Variants in DLC1 observed in about 807,000 individuals in gnomAD.
The protein encoded by DLC1 is DLC1 Rho GTPase activating protein, also known as rho GTPase-activating protein 7.
In DLC1, 54 loss-of-function variants were observed where a neutral mutation model predicts 140.3. The ratio of observed to expected loss-of-function variants is 0.38; its 90% CI spans 0.31 to 0.48. The LOEUF is 0.48. Among genes scored for constraint, DLC1 ranks in the 20% least tolerant of loss-of-function variants. DLC1 has a pLI of 0.96. For synonymous variants in DLC1, 986 were observed against 728.1 expected, an observed-to-expected ratio of 1.35 and a Z score of -5.70; for missense variants, 2,536 against 1,907.0, an observed-to-expected ratio of 1.33 and a Z score of -6.14.
chr8:13,413,498 A>T lies in DLC1; in HGVS notation c.1024-11879T>A, dbSNP rs1035586558. On this transcript the variant is annotated intron_variant, in intron 2 of 17. Coordinates refer to ENST00000276297, the MANE Select transcript of DLC1 (RefSeq NM_182643.3). The stretch of plus-strand genomic sequence containing the variant: ...TATTTCTCTGTGTGTGTGTGTGCAC[A>T]CATATATATATATATACACGTATAT... Among the ~76,000 whole-genome samples, 4 of 107,998 alleles carry T rather than the reference A, an allele frequency of 3.7e-5. No homozygotes were observed. In the East Asian group the frequency reaches 1.0e-3, roughly 27 times the overall value. The allele number at this position is 107,998 out of a possible 152,430, so 70.9% of individuals were successfully genotyped here. A position where few individuals can be genotyped will look rare whatever the true frequency, so the allele number is the denominator to read the frequency against.
intron 5 of DLC1, among the ~76,000 whole-genome samples, chr8:13,297,288 A>AAAAAAAAAAAAAAAAAAAAAAAAAAAAAT (rs1317943641): frequency 7.1e-6 from 1 of 141,148 alleles, no homozygotes; most frequent in Admixed American, 7.2e-5. Context: ...ACATTAAAAA[A>AAAAAAAAAAAAAAAAAAAAAAAAAAAAAT]AAAAAAAACT....
chr8:13,600,054 G>C lies in DLC1; in HGVS notation c.-126+4483C>G, dbSNP rs187376867. 4.6e-5 allele frequency among the ~76,000 whole-genome samples: 7 copies of C among 151,962 alleles called. No individual in the cohort carries two copies. In the East Asian group the frequency reaches 1.4e-3, roughly 29 times the overall value. ...AGTTGGAGAAGTTGACATGAATGGA[G>C]GTATCTGAAGAACCCTAAACTGTGT... On this transcript the variant is annotated intron_variant, in intron 1 of 1. Transcript: ENST00000631382.
At chr8:13,123,170 G>A (rs974640461) in intron 5 of DLC1, among the ~76,000 whole-genome samples, 3 of 152,122 alleles carry the variant, frequency 2.0e-5, no homozygotes, top group African/African-American at 7.2e-5. Context: ...AGCCCGAAGT[G>A]ACCCTGTACA....
intron 4 of DLC1, among the ~76,000 whole-genome samples, chr8:13,357,473 T>G (rs1411803319): frequency 6.6e-6 from 1 of 152,218 alleles, no homozygotes; most frequent in Non-Finnish European, 1.5e-5. Flanking sequence ...AGATGCTTTA[T>G]ATAGAAGAGC....
chr8:13,326,503 C>T (rs1833353729), intron 4 of DLC1, among the ~76,000 whole-genome samples: 1 of 152,222 alleles, frequency 6.6e-6, no homozygotes, highest in African/African-American at 2.4e-5. Flanking sequence ...CTGCCTACTA[C>T]TTTCCCTACC....
intron 5 of DLC1, among the ~76,000 whole-genome samples, chr8:13,187,979 A>G (rs1270673206): frequency 1.3e-5 from 2 of 151,956 alleles, no homozygotes; most frequent in Middle Eastern, 3.2e-3. Flanking sequence ...CTTCTTTTTA[A>G]TGGAAAAGTA....
chr8:13,441,830 A>G (rs141953356), intron 2 of DLC1, among the ~76,000 whole-genome samples: 15,563 of 151,948 alleles, frequency 0.1, 901 homozygotes, highest in East Asian at 0.16. Flanking sequence ...AGCTACCAAT[A>G]ACTTTCTTCA....
chr8:13,260,690 T>A (rs1008860442), intron 5 of DLC1, among the ~76,000 whole-genome samples: 6 of 152,200 alleles, frequency 3.9e-5, no homozygotes, highest in Non-Finnish European at 7.4e-5. Context: ...GTAACTATTA[T>A]ATCATTTATA....
At chr8:13,153,111 A>C (rs1425594138) in intron 5 of DLC1, among the ~76,000 whole-genome samples, 1 of 152,232 alleles carries the variant, frequency 6.6e-6, no homozygotes, top group Non-Finnish European at 1.5e-5. Flanking sequence ...TGACTTCAAG[A>C]ACGAAGCCGC....
chr8:13,499,763 G>T lies in DLC1; in HGVS notation c.309C>A (p.Ser103Arg). Residue 103 changes from serine (S) to arginine (R), a missense_variant, in exon 2 of 18, where the codon AGC becomes AGA. By Grantham distance (110) the Ser-to-Arg change is moderately radical. Coordinates refer to ENST00000276297, the MANE Select transcript of DLC1 (RefSeq NM_182643.3). ...CAGAAACATGCACTAGTGTTTCTGT[G>T]CTGGCTTCCAGAGAAAGAAACTGAT... ...GEDQFLSLEA[S>R]TETLVHVSDE... 6.2e-7 allele frequency: 1 copy of T among 1,614,032 alleles called. No homozygotes were observed. Among genetic ancestry groups the T allele is most frequent in the Non-Finnish European group, 8.5e-7 (1 of 1,180,014 alleles).
intron 2 of DLC1, among the ~76,000 whole-genome samples, chr8:13,450,297 A>C (rs1485057411): frequency 6.6e-6 from 1 of 151,822 alleles, no homozygotes; most frequent in Admixed American, 6.6e-5. Context: ...TCTACTAAAA[A>C]TATAAAAATT....
At chr8:13,555,925 G>A (rs995588604) in intron 1 of DLC1, among the ~76,000 whole-genome samples, 1 of 152,002 alleles carries the variant, frequency 6.6e-6, no homozygotes, top group South Asian at 2.1e-4. Context: ...AATGTTTAAA[G>A]GTTTTGTAAT....
Position 13,579,367 on chromosome 8 carries a change from ATAT to A in DLC1, c.-126+25167_-126+25169del, listed in dbSNP as rs1563454135. Among the ~76,000 whole-genome samples the A allele has an allele frequency of 1.9e-3, 100 of 52,304 alleles. 17 individuals are homozygous for A. The highest frequency in any genetic ancestry group is 3.5e-3 in the African/African-American group (45 of 12,824). 34.3% of individuals were successfully genotyped at this position (52,304 alleles called of 152,430 possible). A position where few individuals can be genotyped will look rare whatever the true frequency, so the allele number is the denominator to read the frequency against. Reference sequence around the variant, plus strand: ...TATATATATATATATATATATTTTTATATAATACATATTTATATATTATATATT... The same window carrying A: ...TATATATATATATATATATATTTTTAAATACATATTTATATATTATATATT... On this transcript the variant is annotated intron_variant, in intron 1 of 1. Coordinates refer to the DLC1 transcript ENST00000631382.
intron 4 of DLC1, among the ~76,000 whole-genome samples, chr8:13,377,556 C>A (rs866538821): frequency 2.6e-4 from 39 of 152,100 alleles, no homozygotes; most frequent in African/African-American, 8.2e-4. Flanking sequence ...CTTCCTTATC[C>A]TAAGACATCA....
At chr8:13,220,183 T>A (rs1359864691) in intron 5 of DLC1, among the ~76,000 whole-genome samples, 1 of 152,226 alleles carries the variant, frequency 6.6e-6, no homozygotes, top group East Asian at 1.9e-4. Flanking sequence ...GTGAATTTTA[T>A]GCTATGTATA....
chr8:13,141,124 G>A (rs760931957), intron 5 of DLC1, among the ~76,000 whole-genome samples: 5 of 151,980 alleles, frequency 3.3e-5, no homozygotes, highest in South Asian at 4.2e-4. Context: ...GCATGGTGGC[G>A]CATGCCTGTA....
chr8:13,373,838 A>G (rs1156883890), intron 4 of DLC1, among the ~76,000 whole-genome samples: 1 of 152,156 alleles, frequency 6.6e-6, no homozygotes, highest in East Asian at 1.9e-4. Flanking sequence ...GGCTTAGTAC[A>G]AATAAAAAAG....
intron 1 of DLC1, among the ~76,000 whole-genome samples, chr8:13,576,553 G>A (rs1485504756): frequency 6.6e-6 from 1 of 152,198 alleles, no homozygotes; most frequent in Non-Finnish European, 1.5e-5. Context: ...AACATTGTGG[G>A]TTCTGAGAGA....
chr8:13,109,976 C>T (rs1257030398), intron 7 of DLC1, among the ~76,000 whole-genome samples: 1 of 152,098 alleles, frequency 6.6e-6, no homozygotes, highest in Non-Finnish European at 1.5e-5. Flanking sequence ...TCAAATCAAC[C>T]TATGTGAGTT....
Sources: allele counts gnomAD v4.1 joint callset (sites outside exome capture counted in the v4.1 genomes callset), GRCh38; gene constraint gnomAD v4.1.1; transcripts MANE v1.5; gene names NCBI Gene and HGNC (gene_info 2026-07-23, HGNC 2026-07-21).